Variants in RCBTB1 observed in about 807,000 individuals in gnomAD.
RCBTB1 encodes the protein RCC1 and BTB domain containing protein 1.
RCBTB1 carries 46 observed loss-of-function variants against 62.4 expected under a neutral mutation model. That is an observed-to-expected ratio of 0.74 (90% CI 0.58 to 0.94). The LOEUF is 0.94. Among genes scored for constraint, RCBTB1 ranks in the 40% least tolerant of loss-of-function variants. The probability of loss-of-function intolerance (pLI) is 0.00; values close to 1 mark genes in which losing one functional copy is unlikely to be tolerated. For missense variants in RCBTB1, 565 were observed against 654.9 expected, an observed-to-expected ratio of 0.86 and a Z score of 1.50; for synonymous variants, 222 against 245.8, an observed-to-expected ratio of 0.90 and a Z score of 0.91.
In RCBTB1 at chr13:49,556,488, C is replaced by G. The variant is rs533019607; in HGVS notation, c.445-815G>C. 7.9e-5 allele frequency among the ~76,000 whole-genome samples: 12 copies of G among 152,264 alleles called. No individual in the cohort carries two copies. In the East Asian group the frequency reaches 2.3e-3, roughly 29 times the overall value. On this transcript the variant is annotated intron_variant, in intron 5 of 12. Transcript: ENST00000378302. ...TACAGGCGTGAGCCACCATGCCCAG[C>G]CTCATGGAAACCATTCTAAACAAGA...
intron 2 of RCBTB1, among the ~76,000 whole-genome samples, chr13:49,579,591 T>C (rs1221171578): frequency 6.7e-6 from 1 of 149,010 alleles, no homozygotes; most frequent in Non-Finnish European, 1.5e-5. Flanking sequence ...GCCACTGCAC[T>C]CCAGTTTGGG....
At chr13:49,571,701 G>A (rs1963412074) in intron 2 of RCBTB1, among the ~76,000 whole-genome samples, 1 of 152,138 alleles carries the variant, frequency 6.6e-6, no homozygotes, top group Non-Finnish European at 1.5e-5. Flanking sequence ...CTTAACTTGG[G>A]CGCGTGGCAT....
intron 5 of RCBTB1, among the ~76,000 whole-genome samples, chr13:49,558,020 T>C (rs575142805): frequency 6.6e-6 from 1 of 152,240 alleles, no homozygotes. Context: ...CAGCAGGTCC[T>C]TGAAAAACGT....
chr13:49,544,664 C>T, intron 10 of RCBTB1, 73 bp downstream of exon 10: 2 of 1,236,588 alleles, frequency 1.6e-6, no homozygotes, highest in Non-Finnish European at 2.3e-6. Context: ...TATTTTTTAT[C>T]AGTACTCATT....
In RCBTB1 at chr13:49,532,903, T is replaced by C. The variant is rs1243955779; in HGVS notation, c.*1219A>G. The C allele has an allele frequency of 6.6e-6, 1 of 152,110 alleles. No homozygotes were observed. Among genetic ancestry groups the C allele is most frequent in the Non-Finnish European group, 1.5e-5 (1 of 68,018 alleles). 9.4% of individuals were successfully genotyped at this position (152,110 alleles called of 1,614,324 possible). Reference sequence around the variant, plus strand: ...AAGCAAGCTCAACGGACACACATGATGAAACTCACAGTTGAACACTCTTAC... The same window carrying C: ...AAGCAAGCTCAACGGACACACATGACGAAACTCACAGTTGAACACTCTTAC... On this transcript the variant is annotated 3_prime_UTR_variant, in exon 13 of 13. Transcript: ENST00000378302.
intron 12 of RCBTB1, among the ~76,000 whole-genome samples, chr13:49,534,593 CATT>C (rs1233686827): frequency 6.6e-6 from 1 of 152,160 alleles, no homozygotes; most frequent in African/African-American, 2.4e-5. Context: ...TGCTCAAAGA[CATT>C]GTTGTAAAAG....
chr13:49,559,037 C>T (rs1021951539), intron 5 of RCBTB1, among the ~76,000 whole-genome samples: 27 of 152,164 alleles, frequency 1.8e-4, no homozygotes, highest in African/African-American at 6.3e-4. Context: ...TTGGTGATGT[C>T]TTTGTGACCA....
intron 2 of RCBTB1, among the ~76,000 whole-genome samples, chr13:49,575,527 T>C (rs1434382332): frequency 6.6e-6 from 1 of 151,404 alleles, no homozygotes; most frequent in Non-Finnish European, 1.5e-5. Flanking sequence ...GACAGTAGAT[T>C]GGAAAAAGAA....
intron 4 of RCBTB1, among the ~76,000 whole-genome samples, chr13:49,565,635 G>A (rs1307424356): frequency 6.5e-5 from 9 of 137,422 alleles, no homozygotes; most frequent in Admixed American, 4.2e-4. Context: ...CCCCGACCCC[G>A]TCTGGGAGGT....
At chr13:49,581,656 G>A (rs1964106816) in intron 1 of RCBTB1, among the ~76,000 whole-genome samples, 1 of 152,222 alleles carries the variant, frequency 6.6e-6, no homozygotes, top group South Asian at 2.1e-4. Flanking sequence ...ACTCCAACGG[G>A]AAAGGGACAG....
chr13:49,554,617 C>A (rs923552813), intron 6 of RCBTB1, among the ~76,000 whole-genome samples: 1 of 152,152 alleles, frequency 6.6e-6, no homozygotes, highest in African/African-American at 2.4e-5. Context: ...ACTGCCTGAG[C>A]GCCACCTCCT....
At chr13:49,564,706 A>C (rs1962774519) in intron 4 of RCBTB1, among the ~76,000 whole-genome samples, 2 of 151,408 alleles carry the variant, frequency 1.3e-5, no homozygotes, top group Admixed American at 1.3e-4. Flanking sequence ...CCTGGCTAAC[A>C]CGGTGAAACC....
rs187764161 is a variant in RCBTB1, at chr13:49,537,006, T to G, written c.1456-2744A>C. ...AAAACAAAACACAGAGCATTGATGG[T>G]CTTAATATCCTCATTTTAAAAAATG... On this transcript the variant is annotated intron_variant, in intron 12 of 12. Transcript: ENST00000378302. Among the ~76,000 whole-genome samples the G allele has an allele frequency of 2.1e-3, 323 of 152,326 alleles. 3 individuals carry two copies. Among genetic ancestry groups the G allele is most frequent in the African/African-American group, 7.5e-3 (310 of 41,574 alleles).
chr13:49,574,412 C>T (rs147783614), intron 2 of RCBTB1, among the ~76,000 whole-genome samples: 1 of 152,346 alleles, frequency 6.6e-6, no homozygotes, highest in East Asian at 1.9e-4. Flanking sequence ...AGCCACCATG[C>T]TCGGCCAGTC....
chr13:49,562,132 C>T (rs1046510424), intron 4 of RCBTB1, among the ~76,000 whole-genome samples: 1 of 150,568 alleles, frequency 6.6e-6, no homozygotes, highest in Non-Finnish European at 1.5e-5. Context: ...TTTAAAATAA[C>T]CTGTAATTCT....
chr13:49,549,316 G>C, intron 9 of RCBTB1, 142 bp downstream of exon 9: 6 of 694,100 alleles, frequency 8.6e-6, no homozygotes, highest in Non-Finnish European at 1.4e-5. Context: ...ATTTGATTAT[G>C]CACATCTATT....
intron 7 of RCBTB1, 104 bp downstream of exon 7, chr13:49,552,074 T>C (rs1961408419): frequency 2.7e-6 from 2 of 749,810 alleles, no homozygotes; most frequent in African/African-American, 1.7e-5. Context: ...AGGCACAGAG[T>C]ATTGCCAGAA....
intron 12 of RCBTB1, among the ~76,000 whole-genome samples, chr13:49,539,078 CA>C (rs1242183406): frequency 1.3e-5 from 2 of 151,904 alleles, no homozygotes; most frequent in Non-Finnish European, 2.9e-5. Context: ...CCATGTTGGC[CA>C]GGCTGGTCTC....
At chr13:49,538,534 A>G (rs1484654468) in intron 12 of RCBTB1, among the ~76,000 whole-genome samples, 1 of 151,988 alleles carries the variant, frequency 6.6e-6, no homozygotes, top group Non-Finnish European at 1.5e-5. Flanking sequence ...AACATAATGA[A>G]ACCCTGTCTC....
Sources: allele counts gnomAD v4.1 joint callset (sites outside exome capture counted in the v4.1 genomes callset), GRCh38; gene constraint gnomAD v4.1.1; transcripts MANE v1.5; gene names NCBI Gene and HGNC (gene_info 2026-07-23, HGNC 2026-07-21).